Variants in TANC2 observed in about 807,000 individuals in gnomAD.
TANC2 encodes tetratricopeptide repeat, ankyrin repeat and coiled-coil containing 2.
In TANC2, 26 loss-of-function variants were observed where a neutral mutation model predicts 210.5. The observed-to-expected ratio is 0.12, with a 90% CI of 0.09 to 0.17. The LOEUF (loss-of-function observed/expected upper bound fraction) is 0.17. Ranked by LOEUF, TANC2 falls within the 10% of genes least tolerant of loss-of-function variation. TANC2 has a pLI of 1.00. For synonymous variants in TANC2, 931 were observed against 967.1 expected (o/e 0.96, Z 0.69); for missense variants, 2,129 against 2,608.9 (o/e 0.82, Z 4.01).
intron 7 of TANC2, among the ~76,000 whole-genome samples, chr17:63,206,993 A>T (rs966556559): frequency 1.3e-5 from 2 of 152,024 alleles, no homozygotes; most frequent in African/African-American, 4.8e-5. Context: ...CTATAACAAA[A>T]ATGACCTGTC....
chr17:63,303,801 T>G (rs1448416330), intron 9 of TANC2, among the ~76,000 whole-genome samples: 1 of 151,952 alleles, frequency 6.6e-6, no homozygotes, highest in East Asian at 1.9e-4. Context: ...TCCTTTTCAT[T>G]CTTTTTTCTC....
rs535310920 is a variant in TANC2, at chr17:63,186,422, G to A, written c.434-7569G>A. 4.3e-3 allele frequency among the ~76,000 whole-genome samples: 630 copies of A among 147,290 alleles called. 4 individuals are homozygous for A. Among genetic ancestry groups the A allele is most frequent in the African/African-American group, 0.015 (610 of 39,770 alleles). On this transcript the variant is annotated intron_variant, in intron 5 of 27. Coordinates refer to ENST00000689528, the Ensembl canonical transcript of TANC2. ...GCCTGGAGTGCAATGGCGCAACCTC[G>A]GCTCACTGCAACTTCCGCCTCCCAG...
chr17:63,301,918 G>GCTA (rs1202718558), intron 9 of TANC2, among the ~76,000 whole-genome samples: 1 of 152,172 alleles, frequency 6.6e-6, no homozygotes, highest in African/African-American at 2.4e-5. Flanking sequence ...GGCATTTAGT[G>GCTA]CTATAAATTT....
At position 63,078,998 on chromosome 17, in the gene TANC2, C is replaced by G. The variant is rs76012689; in HGVS notation, c.139+4984C>G. 9.2e-3 allele frequency among the ~76,000 whole-genome samples: 1,407 copies of G among 152,244 alleles called. 29 individuals are homozygous for G. The highest frequency in any genetic ancestry group is 0.031 in the African/African-American group (1,305 of 41,538). On this transcript the variant is annotated intron_variant, in intron 3 of 27. Coordinates refer to ENST00000689528, the Ensembl canonical transcript of TANC2. ...GGAATATTGAAATCTCAGGCTATAA[C>G]TGTGGATTTGTCTATTTCTCCTTGC...
chr17:63,320,041 A>T (rs185809984), intron 11 of TANC2, among the ~76,000 whole-genome samples: 1 of 152,266 alleles, frequency 6.6e-6, no homozygotes, highest in East Asian at 1.9e-4. Context: ...TCCTACCACC[A>T]TCCCAATACA....
chr17:62,997,148 A>T (rs1453392217), intron 1 of TANC2, among the ~76,000 whole-genome samples: 1 of 144,958 alleles, frequency 6.9e-6, no homozygotes, highest in Admixed American at 6.8e-5. Flanking sequence ...AGAGAAAAAA[A>T]GGACAGAGTC....
intron 14 of TANC2, among the ~76,000 whole-genome samples, chr17:63,378,912 A>G (rs2047514389): frequency 6.6e-6 from 1 of 152,054 alleles, no homozygotes; most frequent in Non-Finnish European, 1.5e-5. Context: ...AGTGTGAGGT[A>G]CTGAGACCTC....
At chr17:63,085,251 T>C (rs931303402) in intron 3 of TANC2, among the ~76,000 whole-genome samples, 33 of 152,100 alleles carry the variant, frequency 2.2e-4, no homozygotes, top group Non-Finnish European at 4.4e-5. Context: ...GTTGGGTCTG[T>C]TTTTTTGACC....
intron 17 of TANC2, chr17:63,391,548 T>C (rs2047974221): frequency 6.6e-6 from 1 of 152,164 alleles, no homozygotes; most frequent in African/African-American, 2.4e-5. Context: ...AAAGTCTCTT[T>C]TAATCTTATA....
chr17:63,263,250 T>G (rs2043423564), intron 8 of TANC2, among the ~76,000 whole-genome samples: 1 of 152,188 alleles, frequency 6.6e-6, no homozygotes, highest in South Asian at 2.1e-4. Context: ...CCAAGAAATC[T>G]TTTAAAAAGA....
chr17:63,384,337 G>A (rs2047708664), intron 15 of TANC2, among the ~76,000 whole-genome samples: 1 of 152,046 alleles, frequency 6.6e-6, no homozygotes, highest in Admixed American at 6.6e-5. Flanking sequence ...CTCCCAAAGT[G>A]CTGGGATTAC....
At chr17:63,370,000 C>G (rs1314569020) in intron 14 of TANC2, among the ~76,000 whole-genome samples, 1 of 152,106 alleles carries the variant, frequency 6.6e-6, no homozygotes, top group Non-Finnish European at 1.5e-5. Context: ...CACATACACC[C>G]TGCTCTCTCT....
Position 63,412,072 on chromosome 17 carries a change from A to G in TANC2, c.3840A>G (p.Ala1280=), listed in dbSNP as rs2147345916. ...GTGGAATGCGCCCTTTGGATAGGGC[A>G]GTGGGGTGCCGGAACACTTCTGTTG... is the stretch of plus-strand genomic sequence containing the variant. Residue 1280 remains alanine (A), a synonymous_variant, in exon 23 of 28, where the codon GCA becomes GCG. Transcript: ENST00000689528. The surrounding 1 kb of genome is among the most constrained non-coding windows in gnomAD (Gnocchi z 4.2). The G allele has an allele frequency of 1.2e-6, 2 of 1,613,952 alleles. No homozygotes were observed. Among genetic ancestry groups the G allele is most frequent in the African/African-American group, 2.7e-5 (2 of 75,034 alleles).
intron 4 of TANC2, among the ~76,000 whole-genome samples, chr17:63,131,381 G>C (rs1255675280): frequency 1.3e-5 from 2 of 152,264 alleles, no homozygotes; most frequent in East Asian, 3.9e-4. Context: ...AGCTGGTCTG[G>C]GCAAAGAAAG....
In TANC2 at chr17:63,114,139, C is replaced by T. The variant is rs191034580; in HGVS notation, c.322+14782C>T. Among the ~76,000 whole-genome samples, 267 of 152,248 alleles carry T rather than the reference C, an allele frequency of 1.8e-3. 2 individuals carry two copies. Among genetic ancestry groups the T allele is most frequent in the African/African-American group, 6.2e-3 (256 of 41,536 alleles). On this transcript the variant is annotated intron_variant, in intron 4 of 27. Coordinates refer to ENST00000689528, the Ensembl canonical transcript of TANC2. Reference sequence around the variant, plus strand: ...AAAAACATTCTGAAAGAACCACCTGCCAACTCATGACCTTTTTCAAATGTT... The same window carrying T: ...AAAAACATTCTGAAAGAACCACCTGTCAACTCATGACCTTTTTCAAATGTT...
chr17:63,223,459 C>T (rs796607394), intron 7 of TANC2, among the ~76,000 whole-genome samples: 6 of 152,196 alleles, frequency 3.9e-5, no homozygotes, highest in Non-Finnish European at 5.9e-5. Flanking sequence ...CAGAGCAGCC[C>T]GGAGGAGCAC....
intron 4 of TANC2, among the ~76,000 whole-genome samples, chr17:63,112,953 G>A (rs1367953740): frequency 6.6e-6 from 1 of 152,112 alleles, no homozygotes; most frequent in African/African-American, 2.4e-5. Context: ...TGGTCCCTAG[G>A]AAGTCTAATT....
At chr17:63,386,140 A>G (rs1198269804) in intron 15 of TANC2, among the ~76,000 whole-genome samples, 1 of 152,236 alleles carries the variant, frequency 6.6e-6, no homozygotes, top group South Asian at 2.1e-4. Context: ...GTGTATAAAG[A>G]TACATGTACA....
intron 9 of TANC2, among the ~76,000 whole-genome samples, chr17:63,269,298 A>G (rs892441554): frequency 6.6e-6 from 1 of 152,130 alleles, no homozygotes; most frequent in Admixed American, 6.6e-5. Flanking sequence ...TGCATGGCAT[A>G]TGCAACTGTG....
Sources: allele counts gnomAD v4.1 joint callset (sites outside exome capture counted in the v4.1 genomes callset), GRCh38; gene constraint gnomAD v4.1.1; non-coding constraint Gnocchi (gnomAD v3.1); transcripts MANE v1.5; gene names NCBI Gene and HGNC (gene_info 2026-07-23, HGNC 2026-07-21).